The following VWA1 variants were observed in gnomAD, a reference collection of about 807,000 sequenced individuals.
VWA1 encodes the protein von Willebrand factor A domain-containing protein 1.
A neutral mutation model predicts 14.9 loss-of-function variants in VWA1; 12 were observed. The observed-to-expected ratio is 0.80, with a 90% CI of 0.52 to 1.30. The LOEUF is 1.30. Among genes scored for constraint, VWA1 ranks in the 50% most tolerant of loss-of-function variants. The probability of loss-of-function intolerance (pLI) is 0.00; values close to 1 mark genes in which losing one functional copy is unlikely to be tolerated. For missense variants in VWA1, 800 were observed against 649.1 expected (o/e 1.23, Z -2.53); for synonymous variants, 368 against 310.7 (o/e 1.18, Z -1.94).
Position 1,437,141 on chromosome 1 carries a change from T to A in VWA1, c.288T>A (p.Ala96=). 1 of 1,607,050 alleles carries A rather than the reference T, an allele frequency of 6.2e-7. No homozygotes were observed. The highest frequency in any genetic ancestry group is 8.5e-7 in the Non-Finnish European group (1 of 1,175,830). ...FPFGQHSSGE[A]AQDAVRASAQ... ...TCGGCCAGCACAGCTCGGGTGAGGCTGCCCAGGATGCGGTGCGTGCTTCTG... is the reference window on the plus strand; with the variant it reads ...TCGGCCAGCACAGCTCGGGTGAGGCAGCCCAGGATGCGGTGCGTGCTTCTG... The change falls in exon 2 of 3, where the codon GCT becomes GCA. Residue 96 remains alanine, a synonymous_variant. Transcript: ENST00000476993.
At position 1,441,150 on chromosome 1, in the gene VWA1, G is replaced by A. The variant is rs1557771534; in HGVS notation, c.*1363G>A. The A allele has an allele frequency of 6.6e-6, 1 of 152,264 alleles. No homozygotes were observed. Among genetic ancestry groups the A allele is most frequent in the African/African-American group, 2.4e-5 (1 of 41,456 alleles). 9.4% of individuals were successfully genotyped at this position (152,264 alleles called of 1,614,324 possible). On this transcript the variant is annotated 3_prime_UTR_variant, in exon 3 of 3. Coordinates refer to ENST00000476993, the MANE Select transcript of VWA1 (RefSeq NM_022834.5). ...CCCACGTGGACTCTGCGTGACCCCAGGAACTGCAGCATTGAGGTGGTCTCA... is the reference window on the plus strand; with the variant it reads ...CCCACGTGGACTCTGCGTGACCCCAAGAACTGCAGCATTGAGGTGGTCTCA...
Position 1,437,122 on chromosome 1 carries a change from A to C in VWA1, c.269A>C (p.Gln90Pro). Residue 90 changes from glutamine to proline, a missense_variant, in exon 2 of 3, where the codon CAG becomes CCG. By Grantham distance (76) the Gln-to-Pro change is moderately conservative. Coordinates refer to ENST00000476993, the MANE Select transcript of VWA1 (RefSeq NM_022834.5). ...SRPYTEFPFG[Q>P]HSSGEAAQDA... ...CCATACACCGAGTTCCCCTTCGGCC[A>C]GCACAGCTCGGGTGAGGCTGCCCAG... is the stretch of plus-strand genomic sequence containing the variant. The C allele has an allele frequency of 6.8e-6, 11 of 1,606,078 alleles. No individual in the cohort carries two copies. The highest frequency in any genetic ancestry group is 9.4e-6 in the Non-Finnish European group (11 of 1,175,080).
In VWA1 at chr1:1,437,058, G is replaced by C; in HGVS notation, c.205G>C (p.Gly69Arg). The C allele has an allele frequency of 6.2e-7, 1 of 1,610,478 alleles. No individual in the cohort carries two copies. The highest frequency in any genetic ancestry group is 8.5e-7 in the Non-Finnish European group (1 of 1,178,780). The part of the protein sequence containing the change: ...QLVAPLPLGT[G>R]ALRASLVHVG... ...GGTGGCTCCACTGCCCCTGGGCACC[G>C]GGGCCCTGCGTGCCAGTCTGGTGCA... The change falls in exon 2 of 3, where the codon GGG becomes CGG. Residue 69 changes from glycine to arginine, a missense_variant. By Grantham distance (125) the Gly-to-Arg change is moderately radical. Coordinates refer to ENST00000476993, the MANE Select transcript of VWA1 (RefSeq NM_022834.5).
rs1466552588 is a variant in VWA1 at position 1,440,812 on chromosome 1, C to T, written c.*1025C>T. The T allele has an allele frequency of 6.5e-6, 1 of 153,620 alleles. No individual in the cohort carries two copies. Among genetic ancestry groups the T allele is most frequent in the African/African-American group, 2.4e-5 (1 of 41,462 alleles). 9.5% of individuals were successfully genotyped at this position (153,620 alleles called of 1,614,324 possible). On this transcript the variant is annotated 3_prime_UTR_variant, in exon 3 of 3. Coordinates refer to ENST00000476993, the MANE Select transcript of VWA1 (RefSeq NM_022834.5). Reference sequence around the variant, plus strand: ...GCTTTACTCCTCCACAAACAGCAGCCGCCGACAGGACAGCTTGTGAACGTC... The same window carrying T: ...GCTTTACTCCTCCACAAACAGCAGCTGCCGACAGGACAGCTTGTGAACGTC...
Position 1,439,583 on chromosome 1 carries a change from G to A in VWA1, c.1134G>A (p.Arg378=). The A allele has an allele frequency of 7.7e-7, 1 of 1,307,162 alleles. No homozygotes were observed. Among genetic ancestry groups the A allele is most frequent in the Middle Eastern group, 2.9e-4 (1 of 3,426 alleles). The allele number at this position is 1,307,162 out of a possible 1,614,324, so 81.0% of individuals were successfully genotyped here. ...FGPLRGGEAQ[R]VEVPAGRNCT... ...CGCTGCGGGGCGGGGAGGCGCAGCG[G>A]GTGGAGGTGCCCGCGGGCCGCAACT... Residue 378 remains arginine, a synonymous_variant, in exon 3 of 3, where the codon CGG becomes CGA. Coordinates refer to ENST00000476993, the MANE Select transcript of VWA1 (RefSeq NM_022834.5).
Position 1,439,310 on chromosome 1 carries a change from C to T in VWA1, c.861C>T (p.Ser287=). ...TDYDVALVPE[S]NVRLLRPQIL... is the part of the protein sequence containing the mutation. ...ACGACGTGGCGCTAGTGCCTGAGTC[C>T]AACGTGCGCCTCCTGAGGCCCCAGA... Residue 287 remains serine (S), a synonymous_variant, in exon 3 of 3, where the codon TCC becomes TCT. Transcript: ENST00000476993. The T allele has an allele frequency of 1.9e-6, 3 of 1,592,446 alleles. No individual in the cohort carries two copies. The highest frequency in any genetic ancestry group is 1.1e-5 in the South Asian group (1 of 88,966).
At chr1:1,436,109 C>G (rs1471493006) in intron 1 of VWA1, among the ~76,000 whole-genome samples, 1 of 152,176 alleles carries the variant, frequency 6.6e-6, no homozygotes. Context: ...CAAGGGGGCA[C>G]CCCTGCCTCA....
chr1:1,437,512 A>G, intron 2 of VWA1, 28 bp downstream of exon 2: 1 of 1,576,512 alleles, frequency 6.3e-7, no homozygotes, highest in Non-Finnish European at 8.6e-7. Context: ...GGGCCCAGGG[A>G]GCCCTAGCTG....
At position 1,441,871 on chromosome 1, in the gene VWA1, G is replaced by A. The variant is rs2100459284; in HGVS notation, c.*2084G>A. On this transcript the variant is annotated 3_prime_UTR_variant, in exon 3 of 3. Coordinates refer to ENST00000476993, the MANE Select transcript of VWA1 (RefSeq NM_022834.5). ...AGCTCCAGCTCTGCAATCCCGAGAG[G>A]GCAGAGCGGGGGCCCTGGCCACAAC... The A allele has an allele frequency of 6.6e-6, 1 of 152,324 alleles. No individual in the cohort carries two copies. The highest frequency in any genetic ancestry group is 1.9e-4 in the East Asian group (1 of 5,172). The allele number at this position is 152,324 out of a possible 1,614,324, so 9.4% of individuals were successfully genotyped here. A position where few individuals can be genotyped will look rare whatever the true frequency, so the allele number is the denominator to read the frequency against.
rs1454880051 is a variant in VWA1, at chr1:1,435,743, C to T, written c.-6C>T. The T allele has an allele frequency of 8.3e-7, 1 of 1,208,742 alleles. No homozygotes were observed. The allele number at this position is 1,208,742 out of a possible 1,614,324, so 74.9% of individuals were successfully genotyped here. ...GTTGCCGAGCGCGCCCCGTCCCTCG[C>T]GCGCGATGCTCCCCTGGACGGCGCT... On this transcript the variant is annotated 5_prime_UTR_variant, in exon 1 of 3. Coordinates refer to ENST00000476993, the MANE Select transcript of VWA1 (RefSeq NM_022834.5).
At position 1,442,228 on chromosome 1, in the gene VWA1, G is replaced by C. The variant is rs1220184995; in HGVS notation, c.*2441G>C. 1.3e-5 allele frequency: 2 copies of C among 152,336 alleles called. No homozygotes were observed. Among genetic ancestry groups the C allele is most frequent in the Non-Finnish European group, 2.9e-5 (2 of 68,126 alleles). The allele number at this position is 152,336 out of a possible 1,614,324, so 9.4% of individuals were successfully genotyped here. ...CCTGGCCCCGACTCAGTCCACCCAG[G>C]GTGCAGTGCAGAGGCTGATACCCGC... On this transcript the variant is annotated 3_prime_UTR_variant, in exon 3 of 3. Transcript: ENST00000476993.
chr1:1,437,921 G>A (rs923088029), intron 2 of VWA1, among the ~76,000 whole-genome samples: 6 of 152,206 alleles, frequency 3.9e-5, no homozygotes, highest in Non-Finnish European at 5.9e-5. Flanking sequence ...ACCTCTCCTG[G>A]GTGGGGACAG....
chr1:1,435,881 GC>G, intron 1 of VWA1, 60 bp downstream of exon 1: 1 of 841,360 alleles, frequency 1.2e-6, no homozygotes, highest in Non-Finnish European at 1.4e-6. Flanking sequence ...CTGCGCCGCT[GC>G]CCGCGCAAGG....
In VWA1 at chr1:1,437,201, G is replaced by A. The variant is rs142850144; in HGVS notation, c.348G>A (p.Ala116=). 1.4e-5 allele frequency: 23 copies of A among 1,611,634 alleles called. No homozygotes were observed. The highest frequency in any genetic ancestry group is 1.1e-4 in the African/African-American group (8 of 74,942). ...QRMGDTHTGL[A]LVYAKEQLFA... ...TGGGTGACACCCACACTGGCCTGGC[G>A]CTGGTCTATGCCAAGGAACAGCTGT... The change falls in exon 2 of 3, where the codon GCG becomes GCA. Residue 116 remains alanine (A), a synonymous_variant. Coordinates refer to ENST00000476993, the MANE Select transcript of VWA1 (RefSeq NM_022834.5).
chr1:1,439,564 G>T lies in VWA1; in HGVS notation c.1115G>T (p.Arg372Leu), dbSNP rs1260628535. Reference sequence around the variant, plus strand: ...TACCACGTGCAGTTCGGGCCGCTGCGGGGCGGGGAGGCGCAGCGGGTGGAG... The same window carrying T: ...TACCACGTGCAGTTCGGGCCGCTGCTGGGCGGGGAGGCGCAGCGGGTGGAG... ...LGYHVQFGPLRGGEAQRVEVP... is the reference protein window; with the variant it reads ...LGYHVQFGPLLGGEAQRVEVP... Residue 372 changes from arginine to leucine, a missense_variant, in exon 3 of 3, where the codon CGG becomes CTG. By Grantham distance (102) the Arg-to-Leu change is moderately radical. Coordinates refer to ENST00000476993, the MANE Select transcript of VWA1 (RefSeq NM_022834.5). 12 of 1,305,470 alleles carry T rather than the reference G, an allele frequency of 9.2e-6. No homozygotes were observed. The highest frequency in any genetic ancestry group is 1.2e-5 in the Non-Finnish European group (12 of 1,029,920). 80.9% of individuals were successfully genotyped at this position (1,305,470 alleles called of 1,614,324 possible). A position where few individuals can be genotyped will look rare whatever the true frequency, so the allele number is the denominator to read the frequency against.
At position 1,437,434 on chromosome 1, in the gene VWA1, A is replaced by C; in HGVS notation, c.581A>C (p.Asp194Ala). ...GCCGAGAAGCACCTGCACTTTGTGG[A>C]CGTGGATGACCTGCACATCATTGTC... is the stretch of plus-strand genomic sequence containing the variant. The part of the protein sequence containing the change: ...APAEKHLHFV[D>A]VDDLHIIVQE... The change falls in exon 2 of 3, where the codon GAC becomes GCC. Residue 194 changes from aspartate to alanine, a missense_variant. Physicochemically the swap from Asp to Ala is moderately radical, Grantham distance 126. Coordinates refer to ENST00000476993, the MANE Select transcript of VWA1 (RefSeq NM_022834.5). 1 of 1,612,534 alleles carries C rather than the reference A, an allele frequency of 6.2e-7. No homozygotes were observed. Among genetic ancestry groups the C allele is most frequent in the Non-Finnish European group, 8.5e-7 (1 of 1,179,824 alleles).
Position 1,439,536 on chromosome 1 carries a change from G to T in VWA1, c.1087G>T (p.Gly363Cys). The T allele has an allele frequency of 7.4e-7, 1 of 1,356,238 alleles. No homozygotes were observed. 84.0% of individuals were successfully genotyped at this position (1,356,238 alleles called of 1,614,324 possible). ...APALGSAAAL[G>C]YHVQFGPLRG... ...AGCGCTGGGCTCAGCCGCGGCGCTC[G>T]GCTACCACGTGCAGTTCGGGCCGCT... The change falls in exon 3 of 3, where the codon GGC becomes TGC. Residue 363 changes from glycine (G) to cysteine (C), a missense_variant. Physicochemically the swap from Gly to Cys is radical, Grantham distance 159. Transcript: ENST00000476993.
intron 2 of VWA1, among the ~76,000 whole-genome samples, chr1:1,438,367 A>G (rs1287587063): frequency 1.3e-5 from 2 of 152,006 alleles, no homozygotes; most frequent in African/African-American, 4.8e-5. Context: ...TGCAGTGCCG[A>G]GGGGCCAGGC....
Position 1,439,124 on chromosome 1 carries a change from C to A in VWA1, c.675C>A (p.Ser225=). Residue 225 remains serine, a synonymous_variant, in exon 3 of 3, where the codon TCC becomes TCA. Transcript: ENST00000476993. The part of the protein sequence containing the change: ...PQQLHATEIT[S]SGFRLAWPPL... ...AGCTCCATGCCACGGAGATCACGTC[C>A]AGCGGCTTCCGCCTGGCCTGGCCAC... The A allele has an allele frequency of 6.2e-7, 1 of 1,600,804 alleles. No individual in the cohort carries two copies.
Sources: gnomAD v4.1 joint callset for allele counts (sites outside exome capture counted in the v4.1 genomes callset) on GRCh38, gnomAD v4.1.1 for gene constraint, MANE v1.5 for transcripts, NCBI Gene and HGNC (gene_info 2026-07-23, HGNC 2026-07-21) for gene names.